The following ERC2 variants were observed in gnomAD, a reference collection of about 807,000 sequenced individuals.
ERC2 encodes the protein ELKS/RAB6-interacting/CAST family member 2, also known as ERC protein 2.
ERC2 carries 42 observed loss-of-function variants against 114.8 expected under a neutral mutation model. The observed-to-expected ratio is 0.37, with a 90% CI of 0.29 to 0.47. The LOEUF (loss-of-function observed/expected upper bound fraction) is 0.47, where lower values mean the gene tolerates loss of function less well. Ranked by LOEUF, ERC2 falls within the 20% of genes least tolerant of loss-of-function variation. ERC2 has a pLI of 0.99. For synonymous variants in ERC2, 454 were observed against 425.5 expected (o/e 1.07, Z -0.82); for missense variants, 939 against 1,150.7 (o/e 0.82, Z 2.66).
chr3:56,145,153 T>C (rs879564774), intron 5 of ERC2, among the ~76,000 whole-genome samples: 1 of 152,200 alleles, frequency 6.6e-6, no homozygotes, highest in Non-Finnish European at 1.5e-5. Context: ...ACTGCAGATA[T>C]GGCCCTTATG....
chr3:55,986,135 C>A (rs2149514342), intron 11 of ERC2, 147 bp from the exon 12 acceptor site: 1 of 714,460 alleles, frequency 1.4e-6, no homozygotes, highest in South Asian at 1.7e-5. Context: ...CTAAACGAAG[C>A]AAACTTTTAT....
intron 14 of ERC2, among the ~76,000 whole-genome samples, chr3:55,781,893 AC>A (rs2069090968): frequency 2.0e-5 from 3 of 150,428 alleles, no homozygotes; most frequent in African/African-American, 5.0e-5. Context: ...AAAAAAAAAA[AC>A]GGAAAAGGAA....
At chr3:56,129,912 A>G (rs2080104934) in intron 6 of ERC2, among the ~76,000 whole-genome samples, 1 of 152,228 alleles carries the variant, frequency 6.6e-6, no homozygotes, top group Non-Finnish European at 1.5e-5. Context: ...AGGTCAAATA[A>G]CATCCTAATG....
rs80077166 is a variant in ERC2 at position 55,804,312 on chromosome 3, T to G, written c.2565-69394A>C. ...CCTGCATTTACTCACAGAGTAAAGCTCCCATGTACCCATTAAACACATTCC... is the reference window on the plus strand; with the variant it reads ...CCTGCATTTACTCACAGAGTAAAGCGCCCATGTACCCATTAAACACATTCC... On this transcript the variant is annotated intron_variant, in intron 14 of 17. Coordinates refer to ENST00000288221, the MANE Select transcript of ERC2 (RefSeq NM_015576.3). Among the ~76,000 whole-genome samples, 815 of 152,228 alleles carry G rather than the reference T, an allele frequency of 5.4e-3. 5 individuals are homozygous for G. Among genetic ancestry groups the G allele is most frequent in the African/African-American group, 0.019 (774 of 41,546 alleles).
chr3:56,220,876 C>T (rs2049855863), intron 3 of ERC2, among the ~76,000 whole-genome samples: 1 of 151,882 alleles, frequency 6.6e-6, no homozygotes, highest in Non-Finnish European at 1.5e-5. Flanking sequence ...ATCCTCTCCA[C>T]CAACTATAGA....
At chr3:56,406,098 G>A (rs1346810763) in intron 2 of ERC2, among the ~76,000 whole-genome samples, 2 of 150,178 alleles carry the variant, frequency 1.3e-5, no homozygotes, top group Non-Finnish European at 3.0e-5. Context: ...GTGCCATGTC[G>A]GCCAGGCTTG....
chr3:55,657,893 G>A (rs2060947003), intron 17 of ERC2: 1 of 152,216 alleles, frequency 6.6e-6, no homozygotes, highest in African/African-American at 2.4e-5. Context: ...TGTCTGAAAT[G>A]TCTAATAAAT....
intron 7 of ERC2, among the ~76,000 whole-genome samples, chr3:56,063,722 A>C (rs912971171): frequency 6.6e-6 from 1 of 152,208 alleles, no homozygotes; most frequent in African/African-American, 2.4e-5. Flanking sequence ...ATTATACTGA[A>C]GCATGCATGT....
intron 3 of ERC2, among the ~76,000 whole-genome samples, chr3:56,264,617 A>G (rs1051273419): frequency 6.6e-6 from 1 of 151,774 alleles, no homozygotes; most frequent in African/African-American, 2.4e-5. Context: ...AAAATCAATA[A>G]GGCAAGAACA....
chr3:55,678,392 A>T (rs2061909255), intron 17 of ERC2, among the ~76,000 whole-genome samples: 1 of 152,124 alleles, frequency 6.6e-6, no homozygotes, highest in Admixed American at 6.5e-5. Context: ...ATCCCTGGAG[A>T]TCTCAGGGGG....
intron 17 of ERC2, among the ~76,000 whole-genome samples, chr3:55,634,079 A>T (rs1186039814): frequency 6.6e-6 from 1 of 152,178 alleles, no homozygotes; most frequent in Non-Finnish European, 1.5e-5. Flanking sequence ...GCATTAGGGC[A>T]GCTTAGCACA....
intron 17 of ERC2, among the ~76,000 whole-genome samples, chr3:55,523,080 C>T (rs1176136376): frequency 6.6e-6 from 1 of 152,228 alleles, no homozygotes; most frequent in Non-Finnish European, 1.5e-5. Flanking sequence ...TAGGAAATGC[C>T]TTTGGGCAGA....
intron 13 of ERC2, among the ~76,000 whole-genome samples, chr3:55,931,753 TAA>T (rs569291676): frequency 1.4e-5 from 2 of 145,656 alleles, no homozygotes; most frequent in Non-Finnish European, 3.0e-5. Context: ...AAGTATAATT[TAA>T]AAAAAAAAAG....
At chr3:56,052,067 A>G (rs1465851716) in intron 7 of ERC2, among the ~76,000 whole-genome samples, 1 of 152,204 alleles carries the variant, frequency 6.6e-6, no homozygotes, top group Non-Finnish European at 1.5e-5. Flanking sequence ...TCGCTTTAAA[A>G]GAAACTACAA....
chr3:55,741,297 CT>C (rs57903810), intron 14 of ERC2, among the ~76,000 whole-genome samples: 7 of 149,302 alleles, frequency 4.7e-5, no homozygotes, highest in African/African-American at 7.4e-5. Context: ...AATATCCTTG[CT>C]TTTTTTTTTC....
At chr3:55,738,263 T>A (rs1424052452) in intron 14 of ERC2, among the ~76,000 whole-genome samples, 2 of 152,104 alleles carry the variant, frequency 1.3e-5, no homozygotes, top group African/African-American at 2.4e-5. Flanking sequence ...CATAAAGCTA[T>A]ACTCATAGGA....
intron 10 of ERC2, among the ~76,000 whole-genome samples, chr3:55,997,907 T>TGG (rs2071689611): frequency 3.8e-5 from 1 of 25,998 alleles, no homozygotes; most frequent in Admixed American, 5.5e-4. Flanking sequence ...TTTTTTTTTT[T>TGG]GTGTGTGTGT....
In ERC2 at chr3:56,173,461, A is replaced by T; in HGVS notation, c.1134T>A (p.Thr378=). 1 of 1,613,948 alleles carries T rather than the reference A, an allele frequency of 6.2e-7. No homozygotes were observed. Among genetic ancestry groups the T allele is most frequent in the Non-Finnish European group, 8.5e-7 (1 of 1,179,832 alleles). The change falls in exon 4 of 18, where the codon ACT becomes ACA. Residue 378 remains threonine, a synonymous_variant. Coordinates refer to ENST00000288221, the MANE Select transcript of ERC2 (RefSeq NM_015576.3). The stretch of plus-strand genomic sequence containing the variant: ...CAGTTCCTACCTTCATTTCGATGAC[A>T]GTCTGGAGAGCCTTCGTCTTGGCTG... ...PEPAKTKALQ[T]VIEMKDTKIA... is the part of the protein sequence containing the mutation.
intron 13 of ERC2, among the ~76,000 whole-genome samples, chr3:55,943,356 T>C (rs1381052414): frequency 2.0e-5 from 3 of 152,152 alleles, no homozygotes; most frequent in Non-Finnish European, 2.9e-5. Context: ...TAAAATAGAA[T>C]AGAAGAAGAT....
Sources: allele counts gnomAD v4.1 joint callset (sites outside exome capture counted in the v4.1 genomes callset), GRCh38; gene constraint gnomAD v4.1.1; transcripts MANE v1.5; gene names NCBI Gene and HGNC (gene_info 2026-07-23, HGNC 2026-07-21).